EPB41L4A: variants seen among roughly 807,000 people sequenced by gnomAD.
EPB41L4A encodes band 4.1-like protein 4A.
EPB41L4A carries 100 observed loss-of-function variants against 108.6 expected under a neutral mutation model. The observed-to-expected ratio is 0.92, with a 90% CI of 0.78 to 1.09. EPB41L4A has a LOEUF of 1.09. Ranked by LOEUF, EPB41L4A falls within the 50% of genes least tolerant of loss-of-function variation. The probability of loss-of-function intolerance (pLI) is 0.00; values close to 1 mark genes in which losing one functional copy is unlikely to be tolerated. For synonymous variants in EPB41L4A, 319 were observed against 289.0 expected (o/e 1.10, Z -1.05); for missense variants, 1,030 against 842.7 (o/e 1.22, Z -2.75).
chr5:112,312,883 C>T (rs1049883049), intron 1 of EPB41L4A, among the ~76,000 whole-genome samples: 1 of 152,110 alleles, frequency 6.6e-6, no homozygotes. Context: ...CAGAAGAAAT[C>T]ATCTTTGAAT....
At chr5:112,277,952 C>A (rs369304382) in intron 3 of EPB41L4A, among the ~76,000 whole-genome samples, 88 of 152,116 alleles carry the variant, frequency 5.8e-4, no homozygotes, top group African/African-American at 2.0e-3. Context: ...TTCACTTTAG[C>A]AAAAAATACA....
intron 13 of EPB41L4A, among the ~76,000 whole-genome samples, chr5:112,208,456 C>A (rs1303308813): frequency 2.0e-5 from 3 of 152,014 alleles, no homozygotes; most frequent in Non-Finnish European, 4.4e-5. Flanking sequence ...GGCTATTATC[C>A]TAAGTTAATT....
intron 13 of EPB41L4A, among the ~76,000 whole-genome samples, chr5:112,209,181 G>T (rs896885951): frequency 6.6e-6 from 1 of 152,218 alleles, no homozygotes; most frequent in Non-Finnish European, 1.5e-5. Flanking sequence ...TGATTGCTGG[G>T]ATTTCCCCAT....
intron 4 of EPB41L4A, among the ~76,000 whole-genome samples, 165 bp from the exon 5 acceptor site, chr5:112,266,495 A>C (rs1340084008): frequency 3.3e-5 from 5 of 152,148 alleles, no homozygotes; most frequent in Non-Finnish European, 2.9e-5. Flanking sequence ...CTACTTAAAC[A>C]TACCTTACAG....
At chr5:112,386,249 T>C (rs553431804) in intron 1 of EPB41L4A, among the ~76,000 whole-genome samples, 2 of 152,320 alleles carry the variant, frequency 1.3e-5, no homozygotes, top group South Asian at 4.1e-4. Context: ...GTGCTAACCT[T>C]GTAAACCCAG....
At chr5:112,319,904 T>A (rs1239331776) in intron 1 of EPB41L4A, among the ~76,000 whole-genome samples, 1 of 152,170 alleles carries the variant, frequency 6.6e-6, no homozygotes, top group Non-Finnish European at 1.5e-5. Context: ...TTAAAGCATT[T>A]AGGGGTAACC....
chr5:112,353,891 C>T (rs1474360), intron 1 of EPB41L4A, among the ~76,000 whole-genome samples: 53 of 152,066 alleles, frequency 3.5e-4, no homozygotes, highest in African/African-American at 1.1e-3. Flanking sequence ...TTTGGGCACT[C>T]GGAGAGGTGG....
At chr5:112,151,978 C>T (rs1468115964) in intron 12 of EPB41L4A, among the ~76,000 whole-genome samples, 1 of 152,106 alleles carries the variant, frequency 6.6e-6, no homozygotes, top group African/African-American at 2.4e-5. Flanking sequence ...GTGATCCGCC[C>T]ACCTCAGCCT....
intron 1 of EPB41L4A, among the ~76,000 whole-genome samples, chr5:112,359,519 T>C (rs974644466): frequency 1.3e-5 from 2 of 151,788 alleles, no homozygotes; most frequent in African/African-American, 4.8e-5. Flanking sequence ...CAAGGATACA[T>C]AGAAGAAATA....
intron 1 of EPB41L4A, among the ~76,000 whole-genome samples, chr5:112,308,850 C>T (rs1754858166): frequency 6.6e-6 from 1 of 152,100 alleles, no homozygotes; most frequent in Non-Finnish European, 1.5e-5. Flanking sequence ...CGCACCCTTG[C>T]CAACATTTGG....
chr5:112,353,775 C>G (rs1758202482), intron 1 of EPB41L4A, among the ~76,000 whole-genome samples: 1 of 152,110 alleles, frequency 6.6e-6, no homozygotes, highest in South Asian at 2.1e-4. Context: ...CACTTGGGTG[C>G]TAGCAGCAGA....
chr5:112,317,393 G>T (rs1476762145), intron 1 of EPB41L4A, among the ~76,000 whole-genome samples: 1 of 152,114 alleles, frequency 6.6e-6, no homozygotes, highest in Admixed American at 6.6e-5. Flanking sequence ...GCTCAAAAAG[G>T]TTGGGAAAGA....
At chr5:112,212,747 G>C (rs1747290753) in intron 12 of EPB41L4A, among the ~76,000 whole-genome samples, 1 of 152,162 alleles carries the variant, frequency 6.6e-6, no homozygotes, top group Admixed American at 6.5e-5. Flanking sequence ...ACAGCAGAGA[G>C]ACCAATACCC....
At chr5:112,157,955 A>G (rs1045997350), downstream of EPB41L4A, among the ~76,000 whole-genome samples, 10 of 152,172 alleles carry the variant, frequency 6.6e-5, no homozygotes, top group African/African-American at 2.4e-4. Flanking sequence ...AATATCCACT[A>G]TCTTCTTCTC....
chr5:112,252,573 G>A (rs1208392009), intron 9 of EPB41L4A, among the ~76,000 whole-genome samples: 1 of 152,172 alleles, frequency 6.6e-6, no homozygotes, highest in Non-Finnish European at 1.5e-5. Flanking sequence ...AAATAGTTAG[G>A]TACCTGTGTG....
At chr5:112,281,667 C>A (rs1264937833) in intron 2 of EPB41L4A, among the ~76,000 whole-genome samples, 1 of 152,266 alleles carries the variant, frequency 6.6e-6, no homozygotes. Context: ...CACTCATGCG[C>A]TGGCGCAGTT....
At chr5:112,179,237 G>A (rs1019346918) in intron 18 of EPB41L4A, among the ~76,000 whole-genome samples, 1 of 152,052 alleles carries the variant, frequency 6.6e-6, no homozygotes, top group Non-Finnish European at 1.5e-5. Context: ...ATTCCAGGCA[G>A]AGATTGTTTC....
chr5:112,204,535 G>T, intron 14 of EPB41L4A, 47 bp from the exon 15 acceptor site: 1 of 1,281,912 alleles, frequency 7.8e-7, no homozygotes, highest in South Asian at 1.2e-5. Context: ...GAGTTCCTGG[G>T]GGAAAACACA....
At chr5:112,418,505 T>G (rs1580873094) in intron 1 of EPB41L4A, among the ~76,000 whole-genome samples, 1 of 151,142 alleles carries the variant, frequency 6.6e-6, no homozygotes, top group East Asian at 1.9e-4. Context: ...TTAATGCGTT[T>G]CAACGAGTGA....
Sources: gnomAD v4.1 joint callset for allele counts (sites outside exome capture counted in the v4.1 genomes callset) on GRCh38, gnomAD v4.1.1 for gene constraint, MANE v1.5 for transcripts, NCBI Gene and HGNC (gene_info 2026-07-23, HGNC 2026-07-21) for gene names.